Variants in ANKRD44 observed in about 807,000 individuals in gnomAD.
The protein encoded by ANKRD44 is ankyrin repeat domain 44.
ANKRD44 carries 35 observed loss-of-function variants against 116.0 expected under a neutral mutation model. The ratio of observed to expected loss-of-function variants is 0.30; its 90% confidence interval spans 0.23 to 0.40. ANKRD44 has a LOEUF of 0.40. Ranked by LOEUF, ANKRD44 falls within the 10% of genes least tolerant of loss-of-function variation. The pLI is 1.00. For missense variants in ANKRD44, 1,014 were observed against 1,242.6 expected (o/e 0.82, Z 2.77); for synonymous variants, 435 against 461.8 (o/e 0.94, Z 0.74).
intron 21 of ANKRD44, among the ~76,000 whole-genome samples, chr2:196,969,942 A>T (rs2075703781): frequency 2.0e-5 from 3 of 152,204 alleles, no homozygotes; most frequent in Admixed American, 2.0e-4. Flanking sequence ...CTTAGCTTAA[A>T]GGTTTCTTCA....
At chr2:197,090,918 C>T (rs1158130699) in intron 10 of ANKRD44, among the ~76,000 whole-genome samples, 1 of 152,212 alleles carries the variant, frequency 6.6e-6, no homozygotes, top group African/African-American at 2.4e-5. Context: ...AGCTCCCCTT[C>T]CTGCTGAGAG....
At chr2:196,992,806 T>A (rs1328188953) in intron 27 of ANKRD44, 1 of 152,676 alleles carries the variant, frequency 6.5e-6, no homozygotes, top group Non-Finnish European at 1.5e-5. Flanking sequence ...CTAATTCCAA[T>A]ACCTGTAATA....
At chr2:197,283,406 C>A (rs916603562) in intron 1 of ANKRD44, among the ~76,000 whole-genome samples, 1 of 152,320 alleles carries the variant, frequency 6.6e-6, no homozygotes, top group East Asian at 1.9e-4. Context: ...CTGGATACAT[C>A]TTTTAATACC....
Position 197,000,458 on chromosome 2 carries a change from A to G in ANKRD44, c.2480T>C (p.Ile827Thr), listed in dbSNP as rs776657542. The part of the protein sequence containing the change: ...GNCASLLLGA[I>T]DSSIVSCRDD... ...TCTACAACTGACGATACTGGAATCT[A>G]TGGCCCCAAGCAGCAATGATGCACA... The change falls in exon 23 of 28, where the codon ATA becomes ACA. Residue 827 changes from isoleucine (I) to threonine (T), a missense_variant. Coordinates refer to ENST00000282272, the MANE Select transcript of ANKRD44 (RefSeq NM_001195144.2). 39 of 1,614,048 alleles carry G rather than the reference A, an allele frequency of 2.4e-5. No homozygotes were observed. Among genetic ancestry groups the G allele is most frequent in the Non-Finnish European group, 3.2e-5 (38 of 1,180,022 alleles).
intron 16 of ANKRD44, among the ~76,000 whole-genome samples, chr2:197,072,961 A>C (rs997715284): frequency 2.0e-5 from 3 of 152,200 alleles, no homozygotes; most frequent in African/African-American, 7.2e-5. Context: ...TCATGTCAGC[A>C]ATCAATACAT....
chr2:197,082,458 A>G (rs1008560112), intron 14 of ANKRD44, among the ~76,000 whole-genome samples: 1 of 152,222 alleles, frequency 6.6e-6, no homozygotes, highest in Non-Finnish European at 1.5e-5. Flanking sequence ...AAGATTTTTT[A>G]TCTAATGAAA....
chr2:197,070,508 A>AT (rs2077537020), intron 16 of ANKRD44, among the ~76,000 whole-genome samples: 1 of 152,020 alleles, frequency 6.6e-6, no homozygotes, highest in Non-Finnish European at 1.5e-5. Context: ...TATAAATCTG[A>AT]TTTTTCTTCT....
intron 2 of ANKRD44, among the ~76,000 whole-genome samples, chr2:197,156,109 G>A (rs1449163028): frequency 2.0e-5 from 3 of 152,192 alleles, no homozygotes; most frequent in Admixed American, 6.5e-5. Flanking sequence ...CACTTTGGGA[G>A]GCCAAGGCGG....
Position 197,023,044 on chromosome 2 carries a change from G to A in ANKRD44, c.1722+2152C>T, listed in dbSNP as rs536661043. On this transcript the variant is annotated intron_variant, in intron 17 of 27. Transcript: ENST00000282272. Reference sequence around the variant, plus strand: ...ATCTCCAGCTACTCAAACAGTGCTTGGCACTATTCACAGTCAGTGTATGTT... The same window carrying A: ...ATCTCCAGCTACTCAAACAGTGCTTAGCACTATTCACAGTCAGTGTATGTT... 1.1e-4 allele frequency among the ~76,000 whole-genome samples: 16 copies of A among 152,324 alleles called. No homozygotes were observed. In the East Asian group the frequency reaches 3.1e-3, roughly 29 times the overall value.
intron 2 of ANKRD44, among the ~76,000 whole-genome samples, chr2:197,179,669 T>A (rs1445921237): frequency 6.6e-6 from 1 of 152,242 alleles, no homozygotes; most frequent in African/African-American, 2.4e-5. Flanking sequence ...TATACCATTA[T>A]AAGATTTGTC....
intron 16 of ANKRD44, among the ~76,000 whole-genome samples, chr2:197,066,383 A>G (rs989508613): frequency 6.6e-6 from 1 of 152,230 alleles, no homozygotes. Context: ...CTGGCACAAG[A>G]CAGGGATGCC....
At chr2:197,090,625 C>T (rs2078022943) in intron 10 of ANKRD44, among the ~76,000 whole-genome samples, 1 of 151,810 alleles carries the variant, frequency 6.6e-6, no homozygotes, top group Non-Finnish European at 1.5e-5. Context: ...CAAAACCCCA[C>T]TCTCAAGCTG....
At chr2:196,991,585 CA>C (rs1423074353) in intron 27 of ANKRD44, among the ~76,000 whole-genome samples, 1 of 151,882 alleles carries the variant, frequency 6.6e-6, no homozygotes, top group African/African-American at 2.4e-5. Flanking sequence ...AGAAATTTAA[CA>C]AATTTTTTTT....
chr2:196,985,747 C>T (rs13396063), downstream of ANKRD44, among the ~76,000 whole-genome samples: 4,942 of 152,214 alleles, frequency 0.032, 255 homozygotes, highest in African/African-American at 0.11. Context: ...GCAGGCACCA[C>T]CCCCAAGTCT....
At chr2:197,059,007 A>T (rs2077257500) in intron 16 of ANKRD44, among the ~76,000 whole-genome samples, 1 of 127,940 alleles carries the variant, frequency 7.8e-6, no homozygotes, top group Admixed American at 8.8e-5. Context: ...TTTAAGAGTT[A>T]CCTCTTTTAA....
At position 197,248,253 on chromosome 2, in the gene ANKRD44, G is replaced by A. The variant is rs541277002; in HGVS notation, c.28-61147C>T. 8.4e-4 allele frequency among the ~76,000 whole-genome samples: 128 copies of A among 151,944 alleles called. 3 individuals carry two copies. Among genetic ancestry groups the A allele is most frequent in the African/African-American group, 2.9e-3 (119 of 41,346 alleles). On this transcript the variant is annotated intron_variant, in intron 1 of 27. Coordinates refer to ENST00000282272, the MANE Select transcript of ANKRD44 (RefSeq NM_001195144.2). ...GAAACAGGTTGCCCTTTATAAGGTC[G>A]GTGAGACTCATCCAATCAGTTAAAA...
intron 8 of ANKRD44, among the ~76,000 whole-genome samples, chr2:197,116,186 G>A (rs538432014): frequency 3.9e-5 from 6 of 152,272 alleles, no homozygotes; most frequent in Admixed American, 2.6e-4. Flanking sequence ...GCAGTAGGCC[G>A]GTGTGCCAGA....
At chr2:197,215,088 C>A (rs1171938700) in intron 1 of ANKRD44, among the ~76,000 whole-genome samples, 3 of 152,250 alleles carry the variant, frequency 2.0e-5, no homozygotes, top group African/African-American at 7.2e-5. Context: ...GTTGGCCAGG[C>A]TGGTCTCGAA....
At position 197,273,974 on chromosome 2, in the gene ANKRD44, AAAAAAAATATATATATATATATATATAT is replaced by A. The variant is rs1270240872; in HGVS notation, c.27+36576_27+36603del. 4.9e-3 allele frequency among the ~76,000 whole-genome samples: 165 copies of A among 33,650 alleles called. 7 individuals carry two copies. The highest frequency in any genetic ancestry group is 0.014 in the African/African-American group (157 of 11,524). The allele number at this position is 33,650 out of a possible 152,430, so 22.1% of individuals were successfully genotyped here. On this transcript the variant is annotated intron_variant, in intron 1 of 27. Transcript: ENST00000282272. ...TCAACCAACCACAAAAAAAAAAAAA[AAAAAAAATATATATATATATATATATAT>A]ATATATATATATATATATATATATA...
Sources: allele counts gnomAD v4.1 joint callset (sites outside exome capture counted in the v4.1 genomes callset), GRCh38; gene constraint gnomAD v4.1.1; transcripts MANE v1.5; gene names NCBI Gene and HGNC (gene_info 2026-07-23, HGNC 2026-07-21).